TOGARAM1: variants seen among roughly 807,000 people sequenced by gnomAD.
The protein encoded by TOGARAM1 is TOG array regulator of axonemal microtubules protein 1.
TOGARAM1 carries 100 observed loss-of-function variants against 166.6 expected under a neutral mutation model. That is an observed-to-expected ratio of 0.60 (90% CI 0.51 to 0.71). The LOEUF is 0.71. Among genes scored for constraint, TOGARAM1 ranks in the 30% least tolerant of loss-of-function variants. The probability of loss-of-function intolerance (pLI) is 0.00; values close to 1 mark genes in which losing one functional copy is unlikely to be tolerated. For synonymous variants in TOGARAM1, 758 were observed against 763.8 expected, an observed-to-expected ratio of 0.99 and a Z score of 0.13; for missense variants, 2,029 against 2,102.7, an observed-to-expected ratio of 0.96 and a Z score of 0.69.
chr14:45,011,633 G>A (rs1326088452), intron 6 of TOGARAM1, among the ~76,000 whole-genome samples: 1 of 151,836 alleles, frequency 6.6e-6, no homozygotes, highest in East Asian at 1.9e-4. Context: ...GTTTTAGAAT[G>A]GATTCTTGGA....
At position 45,066,561 on chromosome 14, in the gene TOGARAM1, C is replaced by T. The variant is rs1171229187; in HGVS notation, c.4560-17C>T. ...GAAAGTACAAATGAAATTACCTTCA[C>T]CTTTCTTTCACTTTAGAGCTGTAAC... is the stretch of plus-strand genomic sequence containing the variant. On this transcript the variant is annotated splice_polypyrimidine_tract_variant and intron_variant, in intron 16 of 19. Transcript: ENST00000361462. 1 of 1,569,650 alleles carries T rather than the reference C, an allele frequency of 6.4e-7. No individual in the cohort carries two copies. Among genetic ancestry groups the T allele is most frequent in the Non-Finnish European group, 8.7e-7 (1 of 1,153,040 alleles).
chr14:45,010,645 C>G (rs1879733253), intron 6 of TOGARAM1, among the ~76,000 whole-genome samples: 1 of 152,146 alleles, frequency 6.6e-6, no homozygotes, highest in Admixed American at 6.6e-5. Context: ...TCAGCACACC[C>G]TCATTTATGG....
Position 45,066,579 on chromosome 14 carries a change from G to A in TOGARAM1, c.4561G>A (p.Ala1521Thr). 6.2e-7 allele frequency: 1 copy of A among 1,603,300 alleles called. No homozygotes were observed. The highest frequency in any genetic ancestry group is 8.5e-7 in the Non-Finnish European group (1 of 1,172,402). ...ACCTTCACCTTTCTTTCACTTTAGA[G>A]CTGTAACTGAAGTTCGTGAAGTCAC... is the stretch of plus-strand genomic sequence containing the variant. ...SRDAFNSAER[A>T]VTEVREVTRK... is the part of the protein sequence containing the mutation. Residue 1521 changes from alanine (A) to threonine (T), a missense_variant and splice_region_variant, in exon 17 of 20, where the codon GCT becomes ACT. This residue lies in a region of TOGARAM1 where 576 missense variants were observed against 670.5 expected (regional missense o/e 0.86). Transcript: ENST00000361462.
At chr14:45,018,141 A>G (rs1880266371) in intron 7 of TOGARAM1, among the ~76,000 whole-genome samples, 1 of 152,210 alleles carries the variant, frequency 6.6e-6, no homozygotes, top group Non-Finnish European at 1.5e-5. Context: ...TAGAAGATGC[A>G]CCTATAATCT....
chr14:45,039,391 G>A (rs1169457168), intron 11 of TOGARAM1, among the ~76,000 whole-genome samples: 2 of 152,252 alleles, frequency 1.3e-5, no homozygotes, highest in East Asian at 3.9e-4. Context: ...GTCTGTCCCT[G>A]GCTTGAAGGT....
intron 17 of TOGARAM1, among the ~76,000 whole-genome samples, chr14:45,067,935 A>G (rs1185917157): frequency 6.6e-6 from 1 of 152,184 alleles, no homozygotes; most frequent in Non-Finnish European, 1.5e-5. Flanking sequence ...TTAAGAGATA[A>G]TAATACAAAT....
In TOGARAM1 at chr14:45,046,664, C is replaced by G; in HGVS notation, c.4274C>G (p.Ala1425Gly). The G allele has an allele frequency of 7.5e-7, 1 of 1,330,062 alleles. No homozygotes were observed. The highest frequency in any genetic ancestry group is 2.4e-5 in the South Asian group (1 of 42,014). The allele number at this position is 1,330,062 out of a possible 1,614,324, so 82.4% of individuals were successfully genotyped here. ...AKDMAERILP[A>G]AAKFAQDSSQ... The stretch of plus-strand genomic sequence containing the variant: ...GATATGGCTGAACGCATATTACCAG[C>G]TGCTGCTAAGTTTGCTCAAGACAGT... Residue 1425 changes from alanine (A) to glycine (G), a missense_variant, in exon 14 of 20, where the codon GCT becomes GGT. Physicochemically the swap from Ala to Gly is moderately conservative, Grantham distance 60 (BLOSUM62 0). This residue lies in a region of TOGARAM1 where 576 missense variants were observed against 670.5 expected (regional missense o/e 0.86). Transcript: ENST00000361462.
At chr14:45,015,219 C>T (rs1880048453) in intron 7 of TOGARAM1, among the ~76,000 whole-genome samples, 2 of 152,004 alleles carry the variant, frequency 1.3e-5, no homozygotes, top group East Asian at 3.9e-4. Flanking sequence ...GCAGGAGAAT[C>T]AGGAGAGCCC....
intron 3 of TOGARAM1, among the ~76,000 whole-genome samples, chr14:45,003,177 A>G (rs888738043): frequency 3.9e-5 from 6 of 152,124 alleles, no homozygotes; most frequent in Admixed American, 3.9e-4. Flanking sequence ...GATTTTAACC[A>G]TGTCAGATAT....
At chr14:45,005,886 C>T (rs756496097) in intron 4 of TOGARAM1, 122 bp from the exon 5 acceptor site, 2 of 710,568 alleles carry the variant, frequency 2.8e-6, no homozygotes, top group African/African-American at 1.8e-5. Flanking sequence ...TTGTTCTCCC[C>T]AGTGACCAGC....
At chr14:45,021,721 A>G (rs1404795116) in intron 7 of TOGARAM1, among the ~76,000 whole-genome samples, 1 of 152,110 alleles carries the variant, frequency 6.6e-6, no homozygotes, top group African/African-American at 2.4e-5. Context: ...CCTTCCCAGG[A>G]TGTATCTAGG....
At chr14:44,976,545 G>A (rs1886200768) in intron 1 of TOGARAM1, among the ~76,000 whole-genome samples, 1 of 152,120 alleles carries the variant, frequency 6.6e-6, no homozygotes, top group African/African-American at 2.4e-5. Flanking sequence ...TTAGCACAGT[G>A]CTTGGCACAC....
intron 18 of TOGARAM1, among the ~76,000 whole-genome samples, chr14:45,069,351 A>C (rs1239211215): frequency 1.4e-4 from 21 of 152,096 alleles, no homozygotes; most frequent in Admixed American, 1.4e-3. Flanking sequence ...CCTGGGCAGC[A>C]GAGTGAGACT....
intron 15 of TOGARAM1, 77 bp downstream of exon 15, chr14:45,052,639 A>G (rs1339536819): frequency 2.3e-6 from 3 of 1,310,740 alleles, no homozygotes; most frequent in Non-Finnish European, 2.1e-6. Context: ...GGATAGGAAT[A>G]ATTATTTATT....
chr14:45,069,194 C>T (rs1255168885), intron 18 of TOGARAM1, among the ~76,000 whole-genome samples: 3 of 151,860 alleles, frequency 2.0e-5, no homozygotes, highest in Non-Finnish European at 4.4e-5. Context: ...TATAGTGAAA[C>T]CCCATCTCTA....
At chr14:44,976,770 A>C (rs993457888) in intron 1 of TOGARAM1, among the ~76,000 whole-genome samples, 2 of 152,228 alleles carry the variant, frequency 1.3e-5, no homozygotes, top group Admixed American at 6.5e-5. Context: ...TGTGAAAATC[A>C]GTGGTGAACA....
intron 3 of TOGARAM1, among the ~76,000 whole-genome samples, chr14:44,999,894 G>A (rs1184703493): frequency 1.3e-5 from 2 of 152,126 alleles, no homozygotes; most frequent in Non-Finnish European, 2.9e-5. Context: ...ATCTACTCCT[G>A]TGGTTATTTT....
intron 16 of TOGARAM1, among the ~76,000 whole-genome samples, chr14:45,063,141 G>C (rs1882973654): frequency 6.6e-6 from 1 of 151,812 alleles, no homozygotes; most frequent in Non-Finnish European, 1.5e-5. Context: ...AATATCAAGG[G>C]CTCTTCCATG....
chr14:45,018,583 A>AT (rs1051536376), intron 7 of TOGARAM1, among the ~76,000 whole-genome samples: 18 of 152,186 alleles, frequency 1.2e-4, no homozygotes, highest in African/African-American at 4.1e-4. Context: ...TGAGCACACA[A>AT]TCAGGCATTT....
Sources: allele counts gnomAD v4.1 joint callset (sites outside exome capture counted in the v4.1 genomes callset), GRCh38; gene constraint gnomAD v4.1.1; regional missense constraint gnomAD v4.1.1; transcripts MANE v1.5; gene names NCBI Gene and HGNC (gene_info 2026-07-23, HGNC 2026-07-21).